CHN2: variants seen among roughly 807,000 people sequenced by gnomAD.
The protein encoded by CHN2 is beta-chimaerin.
In CHN2, 35 loss-of-function variants were observed where a neutral mutation model predicts 56.3. That is an observed-to-expected ratio of 0.62 (90% CI 0.47 to 0.82). The LOEUF is 0.82. CHN2 is among the 40% of genes least tolerant of loss of function. The pLI is 0.00. For synonymous variants in CHN2, 210 were observed against 212.8 expected (o/e 0.99, Z 0.12); for missense variants, 491 against 580.5 (o/e 0.85, Z 1.58).
upstream of CHN2, chr7:29,194,709 A>G: frequency 2.4e-6 from 1 of 410,576 alleles, no homozygotes; most frequent in South Asian, 7.3e-5. Flanking sequence ...CCCATAGAAA[A>G]GCGTGCAAAG....
At chr7:29,330,657 A>G (rs1409778093) in intron 1 of CHN2, among the ~76,000 whole-genome samples, 2 of 152,238 alleles carry the variant, frequency 1.3e-5, no homozygotes, top group Non-Finnish European at 2.9e-5. Context: ...TAGAAATCCC[A>G]TAATTGCAGC....
In CHN2 at chr7:29,252,578, G is replaced by GTTTTTTT. The variant is rs545289689; in HGVS notation, c.49+57610_49+57616dup. ...CTGTTTGTCTAAAATTGCATTCTTT[G>GTTTTTTT]TTTTTTTTTTTTTTTTTTTTTTTTT... On this transcript the variant is annotated intron_variant, in intron 1 of 12. Coordinates refer to ENST00000222792, the MANE Select transcript of CHN2 (RefSeq NM_004067.4). Among the ~76,000 whole-genome samples the GTTTTTTT allele has an allele frequency of 7.7e-3, 150 of 19,492 alleles. 41 individuals carry two copies. The highest frequency in any genetic ancestry group is 9.6e-3 in the Admixed American group (12 of 1,244). 12.8% of individuals were successfully genotyped at this position (19,492 alleles called of 152,430 possible). A position where few individuals can be genotyped will look rare whatever the true frequency, so the allele number is the denominator to read the frequency against.
chr7:29,343,346 G>A (rs1008906791), intron 1 of CHN2, among the ~76,000 whole-genome samples: 2 of 152,178 alleles, frequency 1.3e-5, no homozygotes, highest in Non-Finnish European at 2.9e-5. Flanking sequence ...CAAAGGTAAT[G>A]ACGATGATAA....
At chr7:29,466,543 G>T (rs1285196617) in intron 6 of CHN2, among the ~76,000 whole-genome samples, 1 of 152,052 alleles carries the variant, frequency 6.6e-6, no homozygotes, top group African/African-American at 2.4e-5. Flanking sequence ...TTGCATTTTG[G>T]AATGATTTTC....
chr7:29,213,079 A>G, intron 1 of CHN2: 1 of 1,605,172 alleles, frequency 6.2e-7, no homozygotes. Context: ...TTCACCTTCC[A>G]GTGACTTGGA....
At position 29,438,938 on chromosome 7, in the gene CHN2, G is replaced by A. The variant is rs541750149; in HGVS notation, c.576+38110G>A. 2.0e-5 allele frequency among the ~76,000 whole-genome samples: 3 copies of A among 152,272 alleles called. No homozygotes were observed. In the South Asian group the frequency reaches 6.2e-4, roughly 32 times the overall value. ...CAAACATTGGAGAGGCACTGATACT[G>A]TTTTCCTATTATCTTAGTTTCACTG... On this transcript the variant is annotated intron_variant, in intron 6 of 12. Transcript: ENST00000222792.
intron 1 of CHN2, among the ~76,000 whole-genome samples, chr7:29,208,196 G>C (rs940553035): frequency 1.3e-5 from 2 of 152,140 alleles, no homozygotes; most frequent in Non-Finnish European, 1.5e-5. Context: ...CTGAGTCCCT[G>C]GGTAGCCACT....
At chr7:29,489,985 A>G (rs1040165163) in intron 7 of CHN2, among the ~76,000 whole-genome samples, 8 of 152,184 alleles carry the variant, frequency 5.3e-5, no homozygotes, top group Admixed American at 1.3e-4. Context: ...CACGTGTAGT[A>G]AACATGTAGC....
chr7:29,158,737 T>C (rs1322541852), intron 2 of CHN2, among the ~76,000 whole-genome samples: 1 of 152,232 alleles, frequency 6.6e-6, no homozygotes, highest in East Asian at 1.9e-4. Context: ...TTTTGCTTGT[T>C]CTTTTTGGAC....
At chr7:29,287,101 C>A (rs1009397140) in intron 1 of CHN2, among the ~76,000 whole-genome samples, 1 of 152,122 alleles carries the variant, frequency 6.6e-6, no homozygotes, top group Non-Finnish European at 1.5e-5. Context: ...CTACTTTATA[C>A]GGGTATGCAG....
chr7:29,408,928 A>G (rs1280955661), intron 6 of CHN2, among the ~76,000 whole-genome samples: 2 of 152,194 alleles, frequency 1.3e-5, no homozygotes, highest in Admixed American at 1.3e-4. Flanking sequence ...CCGAGAAAGT[A>G]TTTTCTATGC....
At chr7:29,371,445 C>T (rs1799608509) in intron 3 of CHN2, among the ~76,000 whole-genome samples, 1 of 152,212 alleles carries the variant, frequency 6.6e-6, no homozygotes, top group South Asian at 2.1e-4. Flanking sequence ...GCTGGCACTT[C>T]CTGAACACTC....
chr7:29,173,597 T>A (rs1796889625), intron 2 of CHN2, among the ~76,000 whole-genome samples: 1 of 151,988 alleles, frequency 6.6e-6, no homozygotes, highest in East Asian at 1.9e-4. Flanking sequence ...AGGCAGGATA[T>A]GAAATTGTTG....
At chr7:29,225,488 G>A (rs1405655774) in intron 1 of CHN2, among the ~76,000 whole-genome samples, 1 of 152,172 alleles carries the variant, frequency 6.6e-6, no homozygotes, top group Non-Finnish European at 1.5e-5. Flanking sequence ...GTGTGCCTGA[G>A]TGCCTTCTGA....
rs1401390735 is a variant in CHN2, at chr7:29,512,954, T to C, written c.*219T>C. 4 of 460,328 alleles carry C rather than the reference T, an allele frequency of 8.7e-6. No homozygotes were observed. The highest frequency in any genetic ancestry group is 1.5e-5 in the Non-Finnish European group (4 of 261,906). 28.5% of individuals were successfully genotyped at this position (460,328 alleles called of 1,614,324 possible). A position where few individuals can be genotyped will look rare whatever the true frequency, so the allele number is the denominator to read the frequency against. ...AGGGAAGCCCCTCACCTTGGGTCTT[T>C]TGCTGTGCCTCCTATGTATGTCTGG... On this transcript the variant is annotated 3_prime_UTR_variant, in exon 13 of 13. Coordinates refer to ENST00000222792, the MANE Select transcript of CHN2 (RefSeq NM_004067.4).
At chr7:29,328,733 T>C (rs1277620757) in intron 1 of CHN2, among the ~76,000 whole-genome samples, 5 of 151,950 alleles carry the variant, frequency 3.3e-5, no homozygotes, top group African/African-American at 1.2e-4. Flanking sequence ...CATACTAATT[T>C]ATAAATCGAG....
chr7:29,224,712 A>G (rs1786060388), intron 1 of CHN2, among the ~76,000 whole-genome samples: 2 of 152,228 alleles, frequency 1.3e-5, no homozygotes, highest in Non-Finnish European at 2.9e-5. Context: ...ATTCTCCACC[A>G]TGTTTTCATT....
chr7:29,469,569 T>C (rs544463713), intron 6 of CHN2, among the ~76,000 whole-genome samples: 1 of 152,242 alleles, frequency 6.6e-6, no homozygotes, highest in Admixed American at 6.5e-5. Flanking sequence ...GCCTTGCATG[T>C]GCTGTACCCT....
chr7:29,481,186 C>T (rs1787180687), intron 7 of CHN2, among the ~76,000 whole-genome samples: 1 of 152,106 alleles, frequency 6.6e-6, no homozygotes, highest in Non-Finnish European at 1.5e-5. Flanking sequence ...GGCTTCACCC[C>T]AAAAAGTGAG....
Sources: gnomAD v4.1 joint callset for allele counts (sites outside exome capture counted in the v4.1 genomes callset) on GRCh38, gnomAD v4.1.1 for gene constraint, MANE v1.5 for transcripts, NCBI Gene and HGNC (gene_info 2026-07-23, HGNC 2026-07-21) for gene names.